AKAP13: variants seen among roughly 807,000 people sequenced by gnomAD.
The protein encoded by AKAP13 is A-kinase anchor protein 13.
A neutral mutation model predicts 264.5 loss-of-function variants in AKAP13; 80 were observed. That is an observed-to-expected ratio of 0.30 (90% CI 0.25 to 0.36). The LOEUF (loss-of-function observed/expected upper bound fraction) is 0.36. Ranked by LOEUF, AKAP13 falls within the 10% of genes least tolerant of loss-of-function variation. AKAP13 has a pLI of 1.00. For synonymous variants in AKAP13, 1,380 were observed against 1,250.2 expected (o/e 1.10, Z -2.19); for missense variants, 3,712 against 3,435.2 (o/e 1.08, Z -2.01).
intron 8 of AKAP13, among the ~76,000 whole-genome samples, chr15:85,636,352 A>T (rs1157903080): frequency 6.6e-6 from 1 of 152,136 alleles, no homozygotes; most frequent in Non-Finnish European, 1.5e-5. Context: ...ACCAAGTTTT[A>T]CTTCTTCCTT....
chr15:85,473,379 TAATTC>T (rs2075037559), intron 1 of AKAP13, among the ~76,000 whole-genome samples: 1 of 152,104 alleles, frequency 6.6e-6, no homozygotes, highest in Non-Finnish European at 1.5e-5. Context: ...GAAAGGGAAA[TAATTC>T]AATTCAGCAA....
chr15:85,746,179 C>T lies in AKAP13; in HGVS notation c.*1502C>T, dbSNP rs1048325249. The T allele has an allele frequency of 5.2e-5, 8 of 152,598 alleles. No individual in the cohort carries two copies. The highest frequency in any genetic ancestry group is 1.9e-4 in the African/African-American group (8 of 41,436). The allele number at this position is 152,598 out of a possible 1,614,324, so 9.5% of individuals were successfully genotyped here. A position where few individuals can be genotyped will look rare whatever the true frequency, so the allele number is the denominator to read the frequency against. ...CACTTAAAAAAAGAAAAATCTGTAACTTGGTGCTTATTGATGAATTGCAAG... is the reference window on the plus strand; with the variant it reads ...CACTTAAAAAAAGAAAAATCTGTAATTTGGTGCTTATTGATGAATTGCAAG... On this transcript the variant is annotated 3_prime_UTR_variant, in exon 37 of 37. Coordinates refer to ENST00000394518, the MANE Select transcript of AKAP13 (RefSeq NM_007200.5).
intron 8 of AKAP13, among the ~76,000 whole-genome samples, chr15:85,602,486 CAT>C (rs1048508514): frequency 6.7e-6 from 1 of 148,486 alleles, no homozygotes; most frequent in Non-Finnish European, 1.5e-5. Context: ...TGGTCTATCT[CAT>C]ATATATATAT....
At chr15:85,480,689 C>T (rs986383440) in intron 1 of AKAP13, among the ~76,000 whole-genome samples, 1 of 151,850 alleles carries the variant, frequency 6.6e-6, no homozygotes, top group African/African-American at 2.4e-5. Context: ...CCATTTCTTT[C>T]TTCTTATTTT....
At chr15:85,603,004 AG>A (rs1431979139) in intron 8 of AKAP13, among the ~76,000 whole-genome samples, 3 of 152,250 alleles carry the variant, frequency 2.0e-5, no homozygotes, top group Non-Finnish European at 2.9e-5. Context: ...TGACGACTAC[AG>A]GCTTTCCAGA....
chr15:85,462,254 GAAGA>G (rs1376507180), intron 1 of AKAP13, among the ~76,000 whole-genome samples: 2 of 152,186 alleles, frequency 1.3e-5, no homozygotes, highest in Admixed American at 1.3e-4. Context: ...ATTGGAACAT[GAAGA>G]AAGAGAGTGC....
At chr15:85,630,209 A>G (rs920527681) in intron 8 of AKAP13, among the ~76,000 whole-genome samples, 9 of 30,524 alleles carry the variant, frequency 2.9e-4, no homozygotes, top group African/African-American at 1.7e-3. Context: ...ACACACACAC[A>G]TCATGAACTA....
intron 1 of AKAP13, among the ~76,000 whole-genome samples, chr15:85,418,697 C>G (rs2072362146): frequency 2.0e-5 from 3 of 152,188 alleles, no homozygotes. Context: ...ATTTGGTTGT[C>G]TTTCCCATAT....
In AKAP13 at chr15:85,669,781, A is replaced by G; in HGVS notation, c.5052A>G (p.Pro1684=). The part of the protein sequence containing the change: ...FNYCTSAISS[P]LTKSISLMTI... ...ACTGTACATCAGCCATTTCCTCTCC[A>G]TTGACAAAATCCATCTCATTAATGA... The change falls in exon 14 of 37, where the codon CCA becomes CCG. Residue 1684 remains proline, a synonymous_variant. Transcript: ENST00000394518. 6.2e-7 allele frequency: 1 copy of G among 1,613,692 alleles called. No homozygotes were observed. Among genetic ancestry groups the G allele is most frequent in the Non-Finnish European group, 8.5e-7 (1 of 1,179,648 alleles).
At chr15:85,558,057 C>A (rs1383535640) in intron 5 of AKAP13, among the ~76,000 whole-genome samples, 1 of 152,102 alleles carries the variant, frequency 6.6e-6, no homozygotes, top group Non-Finnish European at 1.5e-5. Context: ...AGAATCTGTG[C>A]ACATTAAATT....
At chr15:85,728,109 C>T (rs2087728289) in intron 29 of AKAP13, among the ~76,000 whole-genome samples, 1 of 152,156 alleles carries the variant, frequency 6.6e-6, no homozygotes, top group Admixed American at 6.5e-5. Flanking sequence ...GAATTCTATT[C>T]CCTGTCTTAG....
At chr15:85,539,033 A>G (rs1162783431) in intron 4 of AKAP13, among the ~76,000 whole-genome samples, 22 of 122,596 alleles carry the variant, frequency 1.8e-4, no homozygotes, top group Middle Eastern at 7.1e-3. Context: ...GGGTTTCACC[A>G]TGTTAGCCAG....
chr15:85,602,554 T>C lies in AKAP13; in HGVS notation c.4161+16731T>C, dbSNP rs148763893. ...CAGGCTGGAGTGCAGTGGTGCAGTCTTGGCTCACTGCCACCCCCACCTTCT... is the reference window on the plus strand; with the variant it reads ...CAGGCTGGAGTGCAGTGGTGCAGTCCTGGCTCACTGCCACCCCCACCTTCT... On this transcript the variant is annotated intron_variant, in intron 8 of 36. Coordinates refer to ENST00000394518, the MANE Select transcript of AKAP13 (RefSeq NM_007200.5). Among the ~76,000 whole-genome samples, 44 of 152,180 alleles carry C rather than the reference T, an allele frequency of 2.9e-4. No homozygotes were observed. In the East Asian group the frequency reaches 8.3e-3, roughly 29 times the overall value.
At chr15:85,502,942 G>A (rs868818518) in intron 2 of AKAP13, among the ~76,000 whole-genome samples, 20 of 152,154 alleles carry the variant, frequency 1.3e-4, no homozygotes, top group African/African-American at 4.3e-4. Flanking sequence ...ATTTGGCTCT[G>A]TTTGAGAAAT....
At chr15:85,618,349 C>T (rs989504838) in intron 8 of AKAP13, among the ~76,000 whole-genome samples, 1 of 152,174 alleles carries the variant, frequency 6.6e-6, no homozygotes, top group Non-Finnish European at 1.5e-5. Context: ...AATCTCTCCT[C>T]TCCCCTTCTG....
chr15:85,645,659 T>A (rs1321267219), intron 9 of AKAP13, among the ~76,000 whole-genome samples, 159 bp from the exon 10 acceptor site: 1 of 152,048 alleles, frequency 6.6e-6, no homozygotes, highest in Non-Finnish European at 1.5e-5. Flanking sequence ...TTATAGCTTC[T>A]TAATTTTGAA....
chr15:85,670,883 T>C (rs1307274968), intron 14 of AKAP13: 6 of 152,214 alleles, frequency 3.9e-5, no homozygotes, highest in Non-Finnish European at 7.3e-5. Context: ...CAGGGCCTTG[T>C]GATGCTCAAA....
At chr15:85,543,710 G>A (rs1417528072) in intron 4 of AKAP13, 62 bp from the exon 5 acceptor site, 3 of 1,512,812 alleles carry the variant, frequency 2.0e-6, no homozygotes, top group Non-Finnish European at 2.7e-6. Context: ...TTGTCTTTAT[G>A]TTTGTTTGTT....
chr15:85,406,603 A>G (rs1455491282), intron 1 of AKAP13, among the ~76,000 whole-genome samples: 4 of 151,266 alleles, frequency 2.6e-5, no homozygotes, highest in African/African-American at 9.8e-5. Context: ...ATTGGAAGGT[A>G]GAAGAAGAGG....
Sources: allele counts gnomAD v4.1 joint callset (sites outside exome capture counted in the v4.1 genomes callset), GRCh38; gene constraint gnomAD v4.1.1; transcripts MANE v1.5; gene names NCBI Gene and HGNC (gene_info 2026-07-23, HGNC 2026-07-21).